PPA2: variants seen among roughly 807,000 people sequenced by gnomAD.
The protein encoded by PPA2 is inorganic pyrophosphatase 2, also known as inorganic pyrophosphatase 2, mitochondrial.
PPA2 carries 48 observed loss-of-function variants against 49.5 expected under a neutral mutation model. The observed-to-expected ratio is 0.97, with a 90% confidence interval of 0.77 to 1.23. The LOEUF (loss-of-function observed/expected upper bound fraction) is 1.23. Ranked by LOEUF, PPA2 falls within the 50% of genes most tolerant of loss-of-function variation. PPA2 has a pLI of 0.00. For synonymous variants in PPA2, 131 were observed against 139.9 expected (o/e 0.94, Z 0.45); for missense variants, 429 against 410.1 (o/e 1.05, Z -0.40).
At chr4:105,370,081 T>C (rs902101599) in intron 11 of PPA2, among the ~76,000 whole-genome samples, 2 of 152,338 alleles carry the variant, frequency 1.3e-5, no homozygotes, top group South Asian at 2.1e-4. Context: ...AAAGCTTGTA[T>C]TGTAAAATTT....
intron 1 of PPA2, among the ~76,000 whole-genome samples, chr4:105,469,390 C>T (rs1025798469): frequency 6.6e-6 from 1 of 152,294 alleles, no homozygotes; most frequent in South Asian, 2.1e-4. Flanking sequence ...CAAGTTGTAT[C>T]AGGATGAAAG....
At chr4:105,463,135 G>T (rs1723161292) in intron 1 of PPA2, among the ~76,000 whole-genome samples, 1 of 152,182 alleles carries the variant, frequency 6.6e-6, no homozygotes, top group African/African-American at 2.4e-5. Context: ...GGGAAAGTCT[G>T]GAACTCCCGA....
intron 7 of PPA2, among the ~76,000 whole-genome samples, chr4:105,421,877 T>C (rs1378420485): frequency 6.6e-6 from 1 of 152,054 alleles, no homozygotes; most frequent in Non-Finnish European, 1.5e-5. Flanking sequence ...ACCCCATCTC[T>C]TCTAAAATAC....
At chr4:105,443,145 GA>G (rs1724443218) in intron 5 of PPA2, among the ~76,000 whole-genome samples, 2 of 152,142 alleles carry the variant, frequency 1.3e-5, no homozygotes, top group African/African-American at 2.4e-5. Flanking sequence ...TAAAGTATGA[GA>G]GGGGGAATGG....
At chr4:105,461,944 A>G (rs543815217) in intron 1 of PPA2, among the ~76,000 whole-genome samples, 91 of 152,336 alleles carry the variant, frequency 6.0e-4, no homozygotes, top group African/African-American at 2.1e-3. Context: ...ACATTTCCCT[A>G]AAGTGCAAAA....
intron 1 of PPA2, among the ~76,000 whole-genome samples, chr4:105,462,310 G>A (rs922436530): frequency 3.3e-5 from 5 of 152,058 alleles, no homozygotes; most frequent in Non-Finnish European, 5.9e-5. Context: ...TTTCTTATCC[G>A]AAGCTCAGGC....
At chr4:105,384,450 G>C (rs544448891) in intron 10 of PPA2, among the ~76,000 whole-genome samples, 25 of 152,100 alleles carry the variant, frequency 1.6e-4, no homozygotes, top group African/African-American at 5.3e-4. Flanking sequence ...AGAAAGCAAT[G>C]AAAAAACAGG....
intron 7 of PPA2, among the ~76,000 whole-genome samples, chr4:105,409,093 A>G (rs1464339079): frequency 2.0e-5 from 3 of 152,234 alleles, no homozygotes; most frequent in South Asian, 2.1e-4. Context: ...GAAGCAGGGC[A>G]GGGCATTGCC....
intron 1 of PPA2, among the ~76,000 whole-genome samples, chr4:105,471,045 C>T (rs572848218): frequency 9.2e-5 from 14 of 152,264 alleles, no homozygotes; most frequent in African/African-American, 3.1e-4. Context: ...TTTTCCAGAA[C>T]TTAAATAGGC....
chr4:105,395,440 A>C (rs1734100782), intron 9 of PPA2, among the ~76,000 whole-genome samples: 1 of 152,080 alleles, frequency 6.6e-6, no homozygotes, highest in Admixed American at 6.6e-5. Flanking sequence ...TTAGTTCTTA[A>C]ATGTGTTCGT....
At chr4:105,414,439 G>A (rs1367252044) in intron 7 of PPA2, among the ~76,000 whole-genome samples, 1 of 152,198 alleles carries the variant, frequency 6.6e-6, no homozygotes, top group African/African-American at 2.4e-5. Context: ...GCTAAGCCTG[G>A]ATCCCACGCA....
intron 11 of PPA2, among the ~76,000 whole-genome samples, chr4:105,370,248 T>C (rs1732968721): frequency 6.6e-6 from 1 of 152,218 alleles, no homozygotes; most frequent in African/African-American, 2.4e-5. Flanking sequence ...ATAGTTCTCA[T>C]ATTTCTTCCA....
intron 7 of PPA2, among the ~76,000 whole-genome samples, chr4:105,402,670 G>A (rs1489699198): frequency 6.6e-6 from 1 of 152,154 alleles, no homozygotes; most frequent in Non-Finnish European, 1.5e-5. Context: ...TTTAACTTTG[G>A]GATGGTTTTG....
chr4:105,374,762 A>T (rs1234605601), intron 10 of PPA2, among the ~76,000 whole-genome samples: 4 of 152,210 alleles, frequency 2.6e-5, no homozygotes, highest in Non-Finnish European at 4.4e-5. Context: ...GTTCAAAATT[A>T]AAGGGAAAAA....
chr4:105,456,711 A>G lies in PPA2; in HGVS notation c.192T>C (p.His64=). 6.2e-7 allele frequency: 1 copy of G among 1,608,146 alleles called. No individual in the cohort carries two copies. Among genetic ancestry groups the G allele is most frequent in the Non-Finnish European group, 8.5e-7 (1 of 1,176,836 alleles). The change falls in exon 2 of 12, where the codon CAT becomes CAC. Residue 64 remains histidine (H), a synonymous_variant. Coordinates refer to ENST00000341695, the MANE Select transcript of PPA2 (RefSeq NM_176869.3). Reference sequence around the variant, plus strand: ...TAGAGTTCACCTTCAGAGGAATATCATGAAAGGGGGAAATGTAGTGACCAG... The same window carrying G: ...TAGAGTTCACCTTCAGAGGAATATCGTGAAAGGGGGAAATGTAGTGACCAG... ...NVTGHYISPF[H]DIPLKVNSKE...
chr4:105,415,708 G>A (rs1019674634), intron 7 of PPA2, among the ~76,000 whole-genome samples: 1 of 152,202 alleles, frequency 6.6e-6, no homozygotes, highest in East Asian at 1.9e-4. Context: ...CCGGTGGAGT[G>A]TGCAGCCTTG....
At chr4:105,414,356 C>A (rs1722904047) in intron 7 of PPA2, among the ~76,000 whole-genome samples, 1 of 152,226 alleles carries the variant, frequency 6.6e-6, no homozygotes, top group Non-Finnish European at 1.5e-5. Flanking sequence ...GCCAGTGGCG[C>A]CTTTTCCCGA....
At chr4:105,449,831 T>A (rs910246546) in intron 3 of PPA2, among the ~76,000 whole-genome samples, 3 of 152,170 alleles carry the variant, frequency 2.0e-5, no homozygotes, top group Non-Finnish European at 4.4e-5. Context: ...GTTACAAAGA[T>A]CAATGACAAT....
chr4:105,392,369 G>C (rs1038257122), intron 9 of PPA2, among the ~76,000 whole-genome samples: 1 of 151,806 alleles, frequency 6.6e-6, no homozygotes, highest in Non-Finnish European at 1.5e-5. Flanking sequence ...TCACTACCTG[G>C]ATTAAAAAAA....
Sources: allele counts gnomAD v4.1 joint callset (sites outside exome capture counted in the v4.1 genomes callset), GRCh38; gene constraint gnomAD v4.1.1; transcripts MANE v1.5; gene names NCBI Gene and HGNC (gene_info 2026-07-23, HGNC 2026-07-21).